EFNA5: variants seen among roughly 807,000 people sequenced by gnomAD.
EFNA5 encodes the protein ephrin A5.
In EFNA5, 5 loss-of-function variants were observed where a neutral mutation model predicts 22.9. That is an observed-to-expected ratio of 0.22 (90% CI 0.11 to 0.46). The LOEUF is 0.46. Ranked by LOEUF, EFNA5 falls within the 20% of genes least tolerant of loss-of-function variation. The probability of loss-of-function intolerance (pLI) is 0.99; values close to 1 mark genes in which losing one functional copy is unlikely to be tolerated. For synonymous variants in EFNA5, 113 were observed against 112.2 expected (o/e 1.01, Z -0.04); for missense variants, 237 against 293.3 (o/e 0.81, Z 1.40).
chr5:107,427,500 C>T lies in EFNA5; in HGVS notation c.135G>A (p.Arg45=). ...TACAGACATCAATATGGTAGTCACC[C>T]CTCTGGAATCTGTTAGAAAAAGAAA... The part of the protein sequence containing the change: ...YWNSSNPRFQ[R]GDYHIDVCIN... The change falls in exon 2 of 5, where the codon AGG becomes AGA. Residue 45 remains arginine, a synonymous_variant. Coordinates refer to ENST00000333274, the MANE Select transcript of EFNA5 (RefSeq NM_001962.3). 6.3e-7 allele frequency: 1 copy of T among 1,582,842 alleles called. No homozygotes were observed. Among genetic ancestry groups the T allele is most frequent in the East Asian group, 2.2e-5 (1 of 44,452 alleles).
chr5:107,586,560 C>T (rs9328006), intron 1 of EFNA5, among the ~76,000 whole-genome samples: 32,725 of 152,098 alleles, frequency 0.22, 4,821 homozygotes, highest in African/African-American at 0.42. Flanking sequence ...AGAGTGCTTT[C>T]ACTGGATGAC....
At chr5:107,624,131 T>C (rs1750097782) in intron 1 of EFNA5, among the ~76,000 whole-genome samples, 1 of 152,084 alleles carries the variant, frequency 6.6e-6, no homozygotes, top group Non-Finnish European at 1.5e-5. Flanking sequence ...AGGGCATTCA[T>C]CCTACCTTAA....
At chr5:107,458,556 C>A (rs1021094435) in intron 1 of EFNA5, among the ~76,000 whole-genome samples, 1 of 151,786 alleles carries the variant, frequency 6.6e-6, no homozygotes, top group African/African-American at 2.4e-5. Context: ...TGCCTGGAAC[C>A]TGGAGTGCTA....
intron 1 of EFNA5, among the ~76,000 whole-genome samples, chr5:107,640,671 C>A (rs1218247730): frequency 6.6e-6 from 1 of 152,152 alleles, no homozygotes; most frequent in Admixed American, 6.5e-5. Context: ...GGCAGCCAGC[C>A]CTGTCAATTT....
At chr5:107,522,878 A>T (rs191593227) in intron 1 of EFNA5, among the ~76,000 whole-genome samples, 20 of 152,322 alleles carry the variant, frequency 1.3e-4, no homozygotes, top group East Asian at 1.2e-3. Context: ...CAGTTACTTG[A>T]ATAAAGGCTG....
chr5:107,569,367 G>GTATATA (rs377698812), intron 1 of EFNA5, among the ~76,000 whole-genome samples: 1 of 127,868 alleles, frequency 7.8e-6, no homozygotes, highest in African/African-American at 3.6e-5. Flanking sequence ...ATATATACGT[G>GTATATA]TATATATATA....
At chr5:107,390,737 C>T (rs1369291650) in intron 2 of EFNA5, among the ~76,000 whole-genome samples, 1 of 151,434 alleles carries the variant, frequency 6.6e-6, no homozygotes, top group Non-Finnish European at 1.5e-5. Context: ...ATTATATTCA[C>T]TATATATAAC....
intron 1 of EFNA5, among the ~76,000 whole-genome samples, chr5:107,635,937 T>C (rs562887028): frequency 1.3e-5 from 2 of 152,350 alleles, no homozygotes; most frequent in South Asian, 2.1e-4. Flanking sequence ...CTAAGGGACA[T>C]GGGTTGAAAA....
intron 1 of EFNA5, among the ~76,000 whole-genome samples, chr5:107,557,654 C>A (rs1748453423): frequency 6.6e-6 from 1 of 152,156 alleles, no homozygotes; most frequent in Non-Finnish European, 1.5e-5. Context: ...CTCCTCTGTA[C>A]AAAGGGGATT....
At chr5:107,612,533 AAT>A (rs1329668275) in intron 1 of EFNA5, among the ~76,000 whole-genome samples, 1 of 152,162 alleles carries the variant, frequency 6.6e-6, no homozygotes, top group Non-Finnish European at 1.5e-5. Flanking sequence ...GTTCATCCAA[AAT>A]ATCTACCTTG....
intron 1 of EFNA5, among the ~76,000 whole-genome samples, chr5:107,628,130 T>C (rs1262435008): frequency 6.6e-6 from 1 of 152,202 alleles, no homozygotes; most frequent in African/African-American, 2.4e-5. Context: ...TTATCATATC[T>C]ATTTTACAGA....
At position 107,564,635 on chromosome 5, in the gene EFNA5, T is replaced by G. The variant is rs1024292741; in HGVS notation, c.125+105854A>C. ...TTTGTTTTTGTTTGGGTTTTTGTTT[T>G]TTTTTTTTTTTTTTTTGATCCTAAC... is the stretch of plus-strand genomic sequence containing the variant. On this transcript the variant is annotated intron_variant, in intron 1 of 4. Transcript: ENST00000333274. Among the ~76,000 whole-genome samples, 306 of 146,130 alleles carry G rather than the reference T, an allele frequency of 2.1e-3. 1 individual carries two copies. Among genetic ancestry groups the G allele is most frequent in the Middle Eastern group, 3.5e-3 (1 of 282 alleles).
In EFNA5 at chr5:107,380,535, T is replaced by C. The variant is rs1747419024; in HGVS notation, c.*720A>G. On this transcript the variant is annotated 3_prime_UTR_variant, in exon 5 of 5. Coordinates refer to ENST00000333274, the MANE Select transcript of EFNA5 (RefSeq NM_001962.3). ...AGCAAACCTGTAGTTTTCTCTGTTT[T>C]CACACCTGCTCTGTATTAGCATTCC... The C allele has an allele frequency of 2.9e-6, 1 of 344,064 alleles. No homozygotes were observed. Among genetic ancestry groups the C allele is most frequent in the African/African-American group, 2.1e-5 (1 of 47,204 alleles). 21.3% of individuals were successfully genotyped at this position (344,064 alleles called of 1,614,324 possible).
intron 1 of EFNA5, among the ~76,000 whole-genome samples, chr5:107,505,947 G>A (rs949246650): frequency 6.6e-6 from 1 of 152,190 alleles, no homozygotes; most frequent in African/African-American, 2.4e-5. Context: ...CAAGGTGATA[G>A]AGCTAGTGAG....
At chr5:107,434,543 G>T (rs1050954018) in intron 1 of EFNA5, among the ~76,000 whole-genome samples, 2 of 152,194 alleles carry the variant, frequency 1.3e-5, no homozygotes, top group Non-Finnish European at 2.9e-5. Flanking sequence ...AAAAGGAAGG[G>T]TATGGTGCAT....
chr5:107,408,331 T>C (rs545631962), intron 2 of EFNA5, among the ~76,000 whole-genome samples: 1 of 152,316 alleles, frequency 6.6e-6, no homozygotes, highest in East Asian at 1.9e-4. Context: ...CACAGCTATC[T>C]TTTCAAAATT....
intron 1 of EFNA5, among the ~76,000 whole-genome samples, chr5:107,486,456 T>C (rs533053857): frequency 9.2e-5 from 14 of 152,218 alleles, no homozygotes; most frequent in Admixed American, 2.0e-4. Flanking sequence ...CATAACTACA[T>C]AGTGGAGAGT....
chr5:107,515,768 T>C (rs1747461523), intron 1 of EFNA5, among the ~76,000 whole-genome samples: 1 of 152,186 alleles, frequency 6.6e-6, no homozygotes, highest in African/African-American at 2.4e-5. Context: ...CTCTGGGTAC[T>C]TCCTAATCTT....
chr5:107,400,316 T>TATTTTTTTTTTTTTTTTGAGACGGAG (rs1554056701), intron 2 of EFNA5, among the ~76,000 whole-genome samples: 1 of 151,908 alleles, frequency 6.6e-6, no homozygotes, highest in South Asian at 2.1e-4. Context: ...AAATATCAAA[T>TATTTTTTTTTTTTTTTTGAGACGGAG]TTTAAGCGTA....
Sources: gnomAD v4.1 joint callset for allele counts (sites outside exome capture counted in the v4.1 genomes callset) on GRCh38, gnomAD v4.1.1 for gene constraint, MANE v1.5 for transcripts, NCBI Gene and HGNC (gene_info 2026-07-23, HGNC 2026-07-21) for gene names.